The following RHOBTB2 variants were observed in gnomAD, a reference collection of about 807,000 sequenced individuals.
The protein encoded by RHOBTB2 is rho-related BTB domain-containing protein 2.
Under a neutral mutation model 66.5 loss-of-function variants are expected in RHOBTB2, and 39 were observed. That is an observed-to-expected ratio of 0.59 (90% CI 0.45 to 0.77). The LOEUF is 0.77. Ranked by LOEUF, RHOBTB2 falls within the 30% of genes least tolerant of loss-of-function variation. The pLI, the probability that RHOBTB2 is intolerant of heterozygous loss-of-function variation, is 0.00. For synonymous variants in RHOBTB2, 390 were observed against 395.0 expected (o/e 0.99, Z 0.15); for missense variants, 755 against 999.1 (o/e 0.76, Z 3.29).
Position 23,011,527 on chromosome 8 carries a change from C to G in RHOBTB2, c.1771+839C>G, listed in dbSNP as rs537656592. On this transcript the variant is annotated intron_variant, in intron 7 of 9. Coordinates refer to ENST00000251822, the MANE Select transcript of RHOBTB2 (RefSeq NM_015178.3). ...CCTGCACGGATTGTACGAGCCGGAG[C>G]TCAGCTTTTAGTGTGGACAAATCCC... Among the ~76,000 whole-genome samples, 5 of 152,328 alleles carry G rather than the reference C, an allele frequency of 3.3e-5. No individual in the cohort carries two copies. In the South Asian group the frequency reaches 1.0e-3, roughly 32 times the overall value.
intron 7 of RHOBTB2, among the ~76,000 whole-genome samples, 166 bp from the exon 8 acceptor site, chr8:23,014,524 T>A (rs1811234864): frequency 6.6e-6 from 1 of 152,168 alleles, no homozygotes; most frequent in Admixed American, 6.5e-5. Context: ...ATCCCTGGGG[T>A]CCCCCTGGTG....
rs555751632 is a variant in RHOBTB2 at position 23,008,782 on chromosome 8, G to A, written c.1620+671G>A. Among the ~76,000 whole-genome samples, 25 of 152,244 alleles carry A rather than the reference G, an allele frequency of 1.6e-4. 1 individual carries two copies. The South Asian group carries it at 3.5e-3, about 21-fold the overall frequency. Reference sequence around the variant, plus strand: ...ATTAGCTGTTTGAATAATGTTAGCCGGCTCTGGGGCCTGGATGCTGTCTCT... The same window carrying A: ...ATTAGCTGTTTGAATAATGTTAGCCAGCTCTGGGGCCTGGATGCTGTCTCT... On this transcript the variant is annotated intron_variant, in intron 6 of 9. Coordinates refer to ENST00000251822, the MANE Select transcript of RHOBTB2 (RefSeq NM_015178.3).
chr8:22,977,455 C>G, the RHOBTB2 span, among the ~76,000 whole-genome samples: 1 of 151,832 alleles, frequency 6.6e-6, no homozygotes, highest in African/African-American at 2.4e-5. Flanking sequence ...GCCTGTAGTT[C>G]CAGCTACTCA....
chr8:22,961,385 C>G, the RHOBTB2 span, among the ~76,000 whole-genome samples: 2 of 152,126 alleles, frequency 1.3e-5, no homozygotes, highest in African/African-American at 4.8e-5. Flanking sequence ...GTTTCTGTCC[C>G]TCTCTTCTAT....
the RHOBTB2 span, among the ~76,000 whole-genome samples, chr8:22,961,487 G>A: frequency 2.0e-5 from 3 of 152,230 alleles, no homozygotes; most frequent in Middle Eastern, 3.4e-3. Context: ...CCTGACTCTC[G>A]AGCCCTTCTT....
chr8:22,965,911 TAAAC>T, the RHOBTB2 span, among the ~76,000 whole-genome samples: 19 of 152,058 alleles, frequency 1.2e-4, no homozygotes, highest in Admixed American at 2.6e-4. Context: ...AACAATAAAA[TAAAC>T]AAACTGGACT....
the RHOBTB2 span, among the ~76,000 whole-genome samples, chr8:22,961,625 C>T: frequency 0.14 from 20,720 of 152,162 alleles, 1,796 homozygotes; most frequent in Middle Eastern, 0.19. Context: ...ACGATATTCA[C>T]AAAGAGCTAA....
At chr8:22,990,875 C>A (rs1810408301) in intron 1 of RHOBTB2, among the ~76,000 whole-genome samples, 1 of 152,102 alleles carries the variant, frequency 6.6e-6, no homozygotes, top group Admixed American at 6.5e-5. Flanking sequence ...CTCTCCAGTC[C>A]CTGCATCAGC....
Position 22,994,426 on chromosome 8 carries a change from G to A in RHOBTB2, c.-23-135G>A, listed in dbSNP as rs116281678. On this transcript the variant is annotated intron_variant, in intron 2 of 11. Transcript: ENST00000519685. ...CACCCCGCGCTGGACCCGGACATCA[G>A]GGGCCGCTCTCTTGTCCTGAGTAGG... 757 of 548,954 alleles carry A rather than the reference G, an allele frequency of 1.4e-3. 5 individuals carry two copies. Among genetic ancestry groups the A allele is most frequent in the African/African-American group, 0.014 (707 of 52,348 alleles). The allele number at this position is 548,954 out of a possible 1,614,324, so 34.0% of individuals were successfully genotyped here.
chr8:22,999,992 C>A lies in RHOBTB2; in HGVS notation c.-124C>A. 1 of 985,576 alleles carries A rather than the reference C, an allele frequency of 1.0e-6. No homozygotes were observed. The highest frequency in any genetic ancestry group is 1.2e-6 in the Non-Finnish European group (1 of 830,056). 61.1% of individuals were successfully genotyped at this position (985,576 alleles called of 1,614,324 possible). A position where few individuals can be genotyped will look rare whatever the true frequency, so the allele number is the denominator to read the frequency against. ...CCCAGCAGCAGCGCGGCGGCGCCGG[C>A]GTCGTCCCAACTTGCAGGCGCGGAG... On this transcript the variant is annotated 5_prime_UTR_variant, in exon 1 of 10. Coordinates refer to ENST00000251822, the MANE Select transcript of RHOBTB2 (RefSeq NM_015178.3).
the RHOBTB2 span, among the ~76,000 whole-genome samples, chr8:22,955,859 T>G: frequency 6.6e-6 from 1 of 152,112 alleles, no homozygotes; most frequent in African/African-American, 2.4e-5. Flanking sequence ...CATGAGCCAC[T>G]GTACCCAGAC....
rs1011101886 is a variant in RHOBTB2 at position 23,017,585 on chromosome 8, C to T, written c.*116C>T. ...GACCAGGGGGCCCACGTAACCAGGA[C>T]CCAGAGGGTGGAGCTCTTCTTACCA... On this transcript the variant is annotated 3_prime_UTR_variant, in exon 10 of 10. Coordinates refer to ENST00000251822, the MANE Select transcript of RHOBTB2 (RefSeq NM_015178.3). This position sits in a 1 kb window ranked among gnomAD's most constrained non-coding sequence, Gnocchi z 5.3. The T allele has an allele frequency of 2.1e-6, 3 of 1,457,930 alleles. No individual in the cohort carries two copies. The highest frequency in any genetic ancestry group is 2.8e-5 in the African/African-American group (2 of 71,168). 90.3% of individuals were successfully genotyped at this position (1,457,930 alleles called of 1,614,324 possible).
At chr8:23,009,181 A>AGAGAGAGAGG (rs1228801659) in intron 6 of RHOBTB2, among the ~76,000 whole-genome samples, 3 of 137,752 alleles carry the variant, frequency 2.2e-5, no homozygotes, top group African/African-American at 7.9e-5. Flanking sequence ...AGAGAGAGAG[A>AGAGAGAGAGG]GAGAAAAGAA....
rs1563291643 is a variant in RHOBTB2, at chr8:23,007,056, G to C, written c.811G>C (p.Val271Leu). The change falls in exon 5 of 10, where the codon GTG (valine) becomes CTG (leucine). Residue 271 changes from valine (V) to leucine (L), a missense_variant. Physicochemically the swap from Val to Leu is conservative, Grantham distance 32. Coordinates refer to ENST00000251822, the MANE Select transcript of RHOBTB2 (RefSeq NM_015178.3). The stretch of plus-strand genomic sequence containing the variant: ...CCCGCTCTGCGCGGACGTCATCCTG[G>C]TGCTGCAGGAGCGGGTGCGCATCTT... ...EDPLCADVILVLQERVRIFAH... is the reference protein window; with the variant it reads ...EDPLCADVILLLQERVRIFAH... 1 of 1,610,434 alleles carries C rather than the reference G, an allele frequency of 6.2e-7. No homozygotes were observed. Among genetic ancestry groups the C allele is most frequent in the Non-Finnish European group, 8.5e-7 (1 of 1,179,302 alleles).
At chr8:22,997,993 G>T (rs1424228766), upstream of RHOBTB2, among the ~76,000 whole-genome samples, 1 of 152,170 alleles carries the variant, frequency 6.6e-6, no homozygotes, top group East Asian at 1.9e-4. Flanking sequence ...GTTTATGGAG[G>T]GTGAGTTCTA....
upstream of RHOBTB2, among the ~76,000 whole-genome samples, chr8:22,982,668 C>G (rs1196009335): frequency 6.6e-6 from 1 of 152,144 alleles, no homozygotes; most frequent in Admixed American, 6.5e-5. Context: ...AGAGACAGAG[C>G]GAGACAACGT....
In RHOBTB2 at chr8:23,014,758, G is replaced by C; in HGVS notation, c.1840G>C (p.Val614Leu). ...GGTGGACATCGATGGGGACGTCCTTGTGTTCCTGGAACTGGCTCAGGTATC... is the reference window on the plus strand; with the variant it reads ...GGTGGACATCGATGGGGACGTCCTTCTGTTCCTGGAACTGGCTCAGGTATC... The part of the protein sequence containing the change: ...MMVDIDGDVL[V>L]FLELAQFHCA... Residue 614 changes from valine to leucine, a missense_variant, in exon 8 of 10, where the codon GTG (valine) becomes CTG (leucine). Val to Leu is a conservative substitution (Grantham distance 32). Coordinates refer to ENST00000251822, the MANE Select transcript of RHOBTB2 (RefSeq NM_015178.3). 2 of 1,614,082 alleles carry C rather than the reference G, an allele frequency of 1.2e-6. No homozygotes were observed. The highest frequency in any genetic ancestry group is 2.2e-5 in the East Asian group (1 of 44,884).
rs115447735 is a variant in RHOBTB2 at position 23,000,910 on chromosome 8, C to T, written c.-11+805C>T. 4.0e-3 allele frequency among the ~76,000 whole-genome samples: 611 copies of T among 151,026 alleles called. 4 individuals carry two copies. Among genetic ancestry groups the T allele is most frequent in the African/African-American group, 0.014 (564 of 41,058 alleles). ...GAGATTCTGTTGTTTCCTTGACAAC[C>T]AGACTAGGGCAGCCACAGATGAACA... On this transcript the variant is annotated intron_variant, in intron 1 of 9. Coordinates refer to ENST00000251822, the MANE Select transcript of RHOBTB2 (RefSeq NM_015178.3).
the RHOBTB2 span, among the ~76,000 whole-genome samples, chr8:22,977,645 G>C: frequency 1.3e-5 from 2 of 151,524 alleles, no homozygotes; most frequent in Admixed American, 6.6e-5. Flanking sequence ...CACCTTAAGT[G>C]GTAGGAGAAC....
Sources: allele counts gnomAD v4.1 joint callset (sites outside exome capture counted in the v4.1 genomes callset), GRCh38; gene constraint gnomAD v4.1.1; non-coding constraint Gnocchi (gnomAD v3.1); transcripts MANE v1.5; gene names NCBI Gene and HGNC (gene_info 2026-07-23, HGNC 2026-07-21).